The following RSPO2 variants were observed in gnomAD, a reference collection of about 807,000 sequenced individuals.
RSPO2 encodes the protein R-spondin-2.
Under a neutral mutation model 30.9 loss-of-function variants are expected in RSPO2, and 14 were observed. The ratio of observed to expected loss-of-function variants is 0.45; its 90% CI spans 0.30 to 0.71. RSPO2 has a LOEUF of 0.71. RSPO2 is among the 30% of genes least tolerant of loss of function. The probability of loss-of-function intolerance (pLI) is 0.08; values close to 1 mark genes in which losing one functional copy is unlikely to be tolerated. For synonymous variants in RSPO2, 107 were observed against 96.4 expected (o/e 1.11, Z -0.64); for missense variants, 264 against 301.9 (o/e 0.87, Z 0.93).
chr8:108,003,716 T>G (rs1031095890), intron 2 of RSPO2, among the ~76,000 whole-genome samples: 1 of 152,046 alleles, frequency 6.6e-6, no homozygotes, highest in East Asian at 1.9e-4. Flanking sequence ...CAGGACAGAT[T>G]GCAGGCTACA....
At chr8:108,016,209 T>A (rs914974929) in intron 2 of RSPO2, among the ~76,000 whole-genome samples, 1 of 152,098 alleles carries the variant, frequency 6.6e-6, no homozygotes, top group African/African-American at 2.4e-5. Context: ...AATATATATA[T>A]CCCAGGTATC....
At chr8:108,056,041 T>C (rs1373681612) in intron 2 of RSPO2, among the ~76,000 whole-genome samples, 5 of 152,134 alleles carry the variant, frequency 3.3e-5, no homozygotes, top group Non-Finnish European at 5.9e-5. Flanking sequence ...GAGAGAAAAA[T>C]AGGTCTACCT....
chr8:107,923,224 G>T (rs530111928), intron 5 of RSPO2, among the ~76,000 whole-genome samples: 2 of 151,488 alleles, frequency 1.3e-5, no homozygotes, highest in Admixed American at 6.6e-5. Context: ...AATTAAATTT[G>T]TAAGGGAAAA....
chr8:108,041,788 A>T (rs2436999), intron 2 of RSPO2, among the ~76,000 whole-genome samples: 45,595 of 151,822 alleles, frequency 0.3, 6,953 homozygotes, highest in African/African-American at 0.33. Context: ...AAGAGGCTCC[A>T]AGGAGAGTAA....
At position 108,083,438 on chromosome 8, in the gene RSPO2, A is replaced by G. The variant is rs1329508911; in HGVS notation, c.-411T>C. On this transcript the variant is annotated 5_prime_UTR_variant, in exon 1 of 6. Coordinates refer to ENST00000276659, the MANE Select transcript of RSPO2 (RefSeq NM_178565.5). ...CGCCCGCGAGCGCGGTCCCCAGGCA[A>G]GGGGTGCGCCCGCTCACACTCTCTG... The G allele has an allele frequency of 2.6e-5, 4 of 152,262 alleles. No homozygotes were observed. Among genetic ancestry groups the G allele is most frequent in the African/African-American group, 9.6e-5 (4 of 41,470 alleles). 9.4% of individuals were successfully genotyped at this position (152,262 alleles called of 1,614,324 possible).
At chr8:108,022,936 A>C (rs1043473440) in intron 2 of RSPO2, among the ~76,000 whole-genome samples, 45 of 151,060 alleles carry the variant, frequency 3.0e-4, no homozygotes, top group African/African-American at 1.1e-3. Context: ...AAAAAAACAA[A>C]AAAAAAAACC....
chr8:107,925,198 G>C (rs1024652069), intron 5 of RSPO2, among the ~76,000 whole-genome samples: 1 of 151,810 alleles, frequency 6.6e-6, no homozygotes, highest in Non-Finnish European at 1.5e-5. Flanking sequence ...ATTGGGAACA[G>C]TGTACACCGC....
Position 108,082,557 on chromosome 8 carries a change from G to T in RSPO2, c.82C>A (p.Arg28Ser), listed in dbSNP as rs2039063817. The stretch of plus-strand genomic sequence containing the variant: ...GAGAGGGACCCACCTCGCTTACTGC[G>T]TCTCCATCGGTTGCCTTGGCAGTGG... The part of the protein sequence containing the change: ...YSHCQGNRWR[R>S]SKRASYVSNP... Residue 28 changes from arginine to serine, a missense_variant, in exon 2 of 6, where the codon CGC becomes AGC. Physicochemically the swap from Arg to Ser is moderately radical, Grantham distance 110 (BLOSUM62 -1). Coordinates refer to ENST00000276659, the MANE Select transcript of RSPO2 (RefSeq NM_178565.5). The T allele has an allele frequency of 6.2e-7, 1 of 1,613,756 alleles. No individual in the cohort carries two copies. The highest frequency in any genetic ancestry group is 1.3e-5 in the African/African-American group (1 of 74,924).
chr8:107,899,904 G>A lies in RSPO2; in HGVS notation c.*1171C>T, dbSNP rs1397089366. ...TGTTAAGATCTGACTGGCAGTCACA[G>A]AAATTCATCCTTTTATCTCCTAAAA... On this transcript the variant is annotated 3_prime_UTR_variant, in exon 6 of 6. Coordinates refer to ENST00000276659, the MANE Select transcript of RSPO2 (RefSeq NM_178565.5). The A allele has an allele frequency of 6.6e-6, 1 of 152,310 alleles. No individual in the cohort carries two copies. Among genetic ancestry groups the A allele is most frequent in the South Asian group, 2.1e-4 (1 of 4,824 alleles). 9.4% of individuals were successfully genotyped at this position (152,310 alleles called of 1,614,324 possible).
At chr8:107,944,077 A>C (rs1301168083) in intron 5 of RSPO2, among the ~76,000 whole-genome samples, 2 of 152,240 alleles carry the variant, frequency 1.3e-5, no homozygotes, top group Non-Finnish European at 2.9e-5. Flanking sequence ...CAAATAAGCC[A>C]AAGTCTTTTG....
chr8:107,937,050 T>A (rs1812741865), intron 5 of RSPO2, among the ~76,000 whole-genome samples: 1 of 152,152 alleles, frequency 6.6e-6, no homozygotes, highest in South Asian at 2.1e-4. Context: ...GTCTTAGTCA[T>A]GAAATATTTA....
At chr8:107,940,836 T>A (rs1382046772) in intron 5 of RSPO2, among the ~76,000 whole-genome samples, 2 of 152,224 alleles carry the variant, frequency 1.3e-5, no homozygotes, top group Non-Finnish European at 2.9e-5. Context: ...TTTTAGCCAT[T>A]GATGAAAACA....
At chr8:107,953,178 T>C (rs1442073457) in intron 5 of RSPO2, among the ~76,000 whole-genome samples, 1 of 152,156 alleles carries the variant, frequency 6.6e-6, no homozygotes, top group Non-Finnish European at 1.5e-5. Flanking sequence ...AGCCTTCTGA[T>C]GTGGAGATGG....
At chr8:108,045,279 C>T (rs1325131521) in intron 2 of RSPO2, among the ~76,000 whole-genome samples, 2 of 152,030 alleles carry the variant, frequency 1.3e-5, no homozygotes, top group Non-Finnish European at 2.9e-5. Context: ...TATGAACAGA[C>T]ACTTCTCAAA....
At chr8:107,993,982 G>A (rs1286469698) in intron 2 of RSPO2, among the ~76,000 whole-genome samples, 4 of 152,048 alleles carry the variant, frequency 2.6e-5, no homozygotes, top group Admixed American at 6.6e-5. Flanking sequence ...CGTTGCATCT[G>A]CAAAGACCCT....
intron 2 of RSPO2, among the ~76,000 whole-genome samples, chr8:108,016,724 G>A (rs72680494): frequency 1.3e-5 from 2 of 152,180 alleles, no homozygotes; most frequent in Non-Finnish European, 2.9e-5. Context: ...CCTAGTGGGC[G>A]GTACAGATTC....
chr8:108,032,415 T>C (rs1811451729), intron 2 of RSPO2, among the ~76,000 whole-genome samples: 1 of 152,210 alleles, frequency 6.6e-6, no homozygotes, highest in South Asian at 2.1e-4. Context: ...TACATTAATG[T>C]AGTTATATAA....
At chr8:107,927,737 G>C (rs909507467) in intron 5 of RSPO2, among the ~76,000 whole-genome samples, 1 of 152,100 alleles carries the variant, frequency 6.6e-6, no homozygotes, top group African/African-American at 2.4e-5. Context: ...TTGCATCCCA[G>C]GGATGAATCC....
At chr8:108,001,940 G>A (rs1309788957) in intron 2 of RSPO2, among the ~76,000 whole-genome samples, 1 of 152,072 alleles carries the variant, frequency 6.6e-6, no homozygotes, top group East Asian at 1.9e-4. Context: ...AACGCATGCC[G>A]GGCTTAAAAC....
Sources: gnomAD v4.1 joint callset for allele counts (sites outside exome capture counted in the v4.1 genomes callset) on GRCh38, gnomAD v4.1.1 for gene constraint, MANE v1.5 for transcripts, NCBI Gene and HGNC (gene_info 2026-07-23, HGNC 2026-07-21) for gene names.